HS6ST2: variants seen among roughly 807,000 people sequenced by gnomAD.
HS6ST2 encodes heparan-sulfate 6-O-sulfotransferase 2.
In HS6ST2, 17 loss-of-function variants were observed where a neutral mutation model predicts 33.0. The ratio of observed to expected loss-of-function variants is 0.52; its 90% CI spans 0.35 to 0.77. The LOEUF (loss-of-function observed/expected upper bound fraction) is 0.77. HS6ST2 is among the 30% of genes least tolerant of loss of function. The pLI is 0.01. For synonymous variants in HS6ST2, 248 were observed against 237.1 expected (o/e 1.05, Z -0.42); for missense variants, 519 against 551.7 (o/e 0.94, Z 0.59).
At chrX:132,770,739 T>C (rs1294761940) in intron 2 of HS6ST2, among the ~76,000 whole-genome samples, 1 of 111,324 alleles carries the variant, frequency 9.0e-6, no homozygotes, top group Non-Finnish European at 1.9e-5. Flanking sequence ...TTCAACTTCA[T>C]TTGAGAAATA....
chrX:132,913,432 G>A (rs901769204), intron 2 of HS6ST2, among the ~76,000 whole-genome samples: 9 of 112,678 alleles, frequency 8.0e-5, no homozygotes, highest in African/African-American at 2.2e-4. Context: ...CCCCTCTGGG[G>A]CTTTGAGGTT....
At chrX:132,663,262 C>T (rs1363777480) in intron 4 of HS6ST2, among the ~76,000 whole-genome samples, 3 of 112,374 alleles carry the variant, frequency 2.7e-5, no homozygotes, top group African/African-American at 9.7e-5. Context: ...GCATGTCCAG[C>T]CTATGTTATT....
intron 2 of HS6ST2, among the ~76,000 whole-genome samples, chrX:132,901,330 T>C (rs1399522196): frequency 8.9e-6 from 1 of 111,914 alleles, no homozygotes; most frequent in Non-Finnish European, 1.9e-5. Flanking sequence ...CAGCAATATA[T>C]AACCTAGTTA....
At chrX:132,796,855 C>G (rs1186627838) in intron 2 of HS6ST2, among the ~76,000 whole-genome samples, 1 of 112,496 alleles carries the variant, frequency 8.9e-6, no homozygotes, top group African/African-American at 3.2e-5. Flanking sequence ...TATTTCATCA[C>G]TGGGGAGTGA....
At chrX:132,654,047 A>G (rs1363802407) in intron 4 of HS6ST2, among the ~76,000 whole-genome samples, 6 of 111,653 alleles carry the variant, frequency 5.4e-5, no homozygotes, top group African/African-American at 2.0e-4. Context: ...CTGGGAATCT[A>G]CTACACAGCA....
At chrX:132,888,357 T>A (rs1393570523) in intron 2 of HS6ST2, among the ~76,000 whole-genome samples, 1 of 111,429 alleles carries the variant, frequency 9.0e-6, no homozygotes, top group Non-Finnish European at 1.9e-5. Flanking sequence ...AACTCCCATT[T>A]ATAAAACCAT....
chrX:132,957,875 C>T (rs1331708295), intron 1 of HS6ST2, among the ~76,000 whole-genome samples: 1 of 112,439 alleles, frequency 8.9e-6, no homozygotes, highest in Non-Finnish European at 1.9e-5. Context: ...CTTGCCCACC[C>T]GGTAGGCGGC....
At chrX:132,857,312 C>T (rs184583885) in intron 2 of HS6ST2, among the ~76,000 whole-genome samples, 1,682 of 110,360 alleles carry the variant, frequency 0.015, 31 homozygotes, top group African/African-American at 0.051. Context: ...GGTGAAACCC[C>T]GCCTCTACTA....
At chrX:132,913,435 T>C (rs2066553093) in intron 2 of HS6ST2, among the ~76,000 whole-genome samples, 1 of 112,434 alleles carries the variant, frequency 8.9e-6, no homozygotes, top group African/African-American at 3.2e-5. Flanking sequence ...CTCTGGGGCT[T>C]TGAGGTTGTT....
At chrX:132,686,700 G>T (rs1165298977) in intron 3 of HS6ST2, among the ~76,000 whole-genome samples, 7 of 111,225 alleles carry the variant, frequency 6.3e-5, no homozygotes, top group Non-Finnish European at 1.1e-4. Context: ...ATCCAAGCTT[G>T]CCACCTGACT....
chrX:132,773,941 C>T (rs899200623), intron 2 of HS6ST2, among the ~76,000 whole-genome samples: 5 of 111,997 alleles, frequency 4.5e-5, no homozygotes, highest in Non-Finnish European at 9.4e-5. Flanking sequence ...AACCACCCAA[C>T]TGTATGCCTT....
intron 2 of HS6ST2, among the ~76,000 whole-genome samples, chrX:132,711,176 A>G (rs1234538317): frequency 8.9e-6 from 1 of 112,046 alleles, no homozygotes; most frequent in East Asian, 2.8e-4. Context: ...AAGAGAACAC[A>G]TATATAGCAC....
At chrX:132,758,223 T>A (rs1338551082) in intron 2 of HS6ST2, 1 of 112,366 alleles carries the variant, frequency 8.9e-6, no homozygotes, top group Non-Finnish European at 1.9e-5. Flanking sequence ...AAGTAGGAAC[T>A]GTGAATAAAT....
chrX:132,865,709 G>T (rs373502419), intron 2 of HS6ST2, among the ~76,000 whole-genome samples: 6 of 112,147 alleles, frequency 5.4e-5, no homozygotes, highest in African/African-American at 9.7e-5. Context: ...GGTTTTGATT[G>T]GCATTTCTCT....
intron 2 of HS6ST2, among the ~76,000 whole-genome samples, chrX:132,828,591 C>T (rs2065549135): frequency 9.6e-6 from 1 of 103,745 alleles, no homozygotes; most frequent in Non-Finnish European, 2.0e-5. Context: ...ATAGTGGTTA[C>T]CTTGGGGGTG....
intron 2 of HS6ST2, among the ~76,000 whole-genome samples, chrX:132,742,496 A>T (rs1044541284): frequency 9.0e-6 from 1 of 111,538 alleles, no homozygotes; most frequent in Non-Finnish European, 1.9e-5. Flanking sequence ...AGGCTACCAC[A>T]TGGCTAGTCC....
At chrX:132,765,426 G>GTA (rs71690041) in intron 2 of HS6ST2, among the ~76,000 whole-genome samples, 1,550 of 111,699 alleles carry the variant, frequency 0.014, 22 homozygotes, top group African/African-American at 0.048. Context: ...GCATGTGTGT[G>GTA]TGTGTGTGTT....
At chrX:132,688,216 C>G (rs2148226543) in intron 3 of HS6ST2, among the ~76,000 whole-genome samples, 1 of 111,994 alleles carries the variant, frequency 8.9e-6, no homozygotes, top group East Asian at 2.8e-4. Context: ...GAACCTTTCT[C>G]CTAGGCTCCA....
intron 4 of HS6ST2, among the ~76,000 whole-genome samples, chrX:132,658,368 T>G (rs1229280936): frequency 8.9e-6 from 1 of 112,540 alleles, no homozygotes; most frequent in Admixed American, 9.4e-5. Context: ...TTTCTTATTA[T>G]TTAAAAATTC....
Sources: gnomAD v4.1 joint callset for allele counts (sites outside exome capture counted in the v4.1 genomes callset) on GRCh38, gnomAD v4.1.1 for gene constraint, MANE v1.5 for transcripts, NCBI Gene and HGNC (gene_info 2026-07-23, HGNC 2026-07-21) for gene names.